The following GRIA4 variants were observed in gnomAD, a reference collection of about 807,000 sequenced individuals.
The protein encoded by GRIA4 is glutamate receptor 4.
In GRIA4, 34 loss-of-function variants were observed where a neutral mutation model predicts 104.0. The observed-to-expected ratio is 0.33, with a 90% CI of 0.25 to 0.44. The LOEUF (loss-of-function observed/expected upper bound fraction) is 0.44. GRIA4 is among the 20% of genes least tolerant of loss of function. The pLI is 1.00. For synonymous variants in GRIA4, 386 were observed against 381.9 expected (o/e 1.01, Z -0.13); for missense variants, 750 against 1,096.5 (o/e 0.68, Z 4.46).
chr11:105,612,004 G>C (rs1374308794), intron 2 of GRIA4, among the ~76,000 whole-genome samples: 1 of 152,126 alleles, frequency 6.6e-6, no homozygotes, highest in Non-Finnish European at 1.5e-5. Context: ...CTGGGAATCA[G>C]GGGGAGGGCA....
chr11:105,822,551 T>C (rs556914619), intron 4 of GRIA4, among the ~76,000 whole-genome samples: 1 of 152,240 alleles, frequency 6.6e-6, no homozygotes, highest in Admixed American at 6.5e-5. Context: ...GGGAATGCAA[T>C]GATTTTTCAA....
chr11:105,644,810 A>G (rs1951479093), intron 3 of GRIA4, among the ~76,000 whole-genome samples: 2 of 152,186 alleles, frequency 1.3e-5, no homozygotes, highest in Non-Finnish European at 2.9e-5. Context: ...GTAATTTTAA[A>G]TAATAGGTAT....
At chr11:105,884,181 A>T (rs865999030) in intron 5 of GRIA4, among the ~76,000 whole-genome samples, 1 of 152,256 alleles carries the variant, frequency 6.6e-6, no homozygotes, top group Admixed American at 6.5e-5. Flanking sequence ...TTGTTTTCCC[A>T]TGACAACTAA....
intron 3 of GRIA4, among the ~76,000 whole-genome samples, chr11:105,688,436 C>T (rs978309032): frequency 6.6e-6 from 1 of 152,078 alleles, no homozygotes; most frequent in Non-Finnish European, 1.5e-5. Flanking sequence ...TGGCGTGCGC[C>T]TGTAGTCCCA....
chr11:105,791,388 G>A (rs569842528), intron 4 of GRIA4, among the ~76,000 whole-genome samples: 1 of 152,240 alleles, frequency 6.6e-6, no homozygotes, highest in East Asian at 1.9e-4. Context: ...CAATGATTGT[G>A]CATTTAATGC....
At chr11:105,828,409 C>T (rs1943853687) in intron 4 of GRIA4, among the ~76,000 whole-genome samples, 1 of 151,976 alleles carries the variant, frequency 6.6e-6, no homozygotes, top group African/African-American at 2.4e-5. Context: ...TTAACCATCA[C>T]TACCCCTGTA....
At chr11:105,741,447 A>G (rs1323452879) in intron 3 of GRIA4, among the ~76,000 whole-genome samples, 1 of 152,218 alleles carries the variant, frequency 6.6e-6, no homozygotes, top group Non-Finnish European at 1.5e-5. Context: ...TAGATGATCT[A>G]AAGAAACATT....
At chr11:105,635,087 C>T (rs367643923) in intron 3 of GRIA4, among the ~76,000 whole-genome samples, 4 of 152,218 alleles carry the variant, frequency 2.6e-5, no homozygotes, top group East Asian at 1.9e-4. Context: ...AGTGTATTGA[C>T]AGTTAAAACT....
intron 3 of GRIA4, among the ~76,000 whole-genome samples, chr11:105,725,153 T>C (rs1938115627): frequency 6.6e-6 from 1 of 152,178 alleles, no homozygotes; most frequent in Non-Finnish European, 1.5e-5. Context: ...ATTAAATATA[T>C]AGAATAATTC....
intron 14 of GRIA4, among the ~76,000 whole-genome samples, chr11:105,963,550 T>C (rs1948792202): frequency 1.3e-5 from 2 of 152,134 alleles, no homozygotes; most frequent in African/African-American, 4.8e-5. Flanking sequence ...GTGGACTCTA[T>C]TGAGGGACCA....
intron 5 of GRIA4, among the ~76,000 whole-genome samples, chr11:105,886,473 A>C (rs1189342691): frequency 1.3e-5 from 2 of 151,580 alleles, no homozygotes; most frequent in East Asian, 3.9e-4. Context: ...CCCATTAACC[A>C]TTCCCACCTC....
At chr11:105,936,936 C>T (rs183601193) in intron 14 of GRIA4, among the ~76,000 whole-genome samples, 3 of 152,158 alleles carry the variant, frequency 2.0e-5, no homozygotes, top group Admixed American at 6.5e-5. Context: ...CTATCACTTA[C>T]TAATAACAAT....
chr11:105,762,590 C>G (rs1940715670), intron 4 of GRIA4, among the ~76,000 whole-genome samples: 1 of 152,132 alleles, frequency 6.6e-6, no homozygotes, highest in South Asian at 2.1e-4. Flanking sequence ...GTGTCCCCAC[C>G]CAATTCTCAC....
chr11:105,788,730 T>G (rs1942083856), intron 4 of GRIA4, among the ~76,000 whole-genome samples: 1 of 151,880 alleles, frequency 6.6e-6, no homozygotes, highest in South Asian at 2.1e-4. Flanking sequence ...CAACAGACAC[T>G]GGGGACTCCA....
intron 7 of GRIA4, among the ~76,000 whole-genome samples, chr11:105,900,937 T>C (rs1946831973): frequency 6.6e-6 from 1 of 150,798 alleles, no homozygotes; most frequent in Non-Finnish European, 1.5e-5. Flanking sequence ...TCACTGTACA[T>C]TTAAAAAGAA....
chr11:105,923,713 C>T (rs186297872), intron 11 of GRIA4, among the ~76,000 whole-genome samples: 10 of 152,106 alleles, frequency 6.6e-5, no homozygotes, highest in Non-Finnish European at 4.4e-5. Context: ...GATTATAATA[C>T]CTGAGAAATG....
At chr11:105,930,923 A>G (rs1947855376) in intron 13 of GRIA4, among the ~76,000 whole-genome samples, 1 of 152,194 alleles carries the variant, frequency 6.6e-6, no homozygotes, top group Non-Finnish European at 1.5e-5. Flanking sequence ...TCTCAAGTCA[A>G]GATTTAAATA....
chr11:105,800,731 A>T (rs181527442), intron 4 of GRIA4, among the ~76,000 whole-genome samples: 1 of 152,162 alleles, frequency 6.6e-6, no homozygotes. Context: ...TTAGTTTTGC[A>T]GCATGCAAGA....
intron 5 of GRIA4, among the ~76,000 whole-genome samples, chr11:105,884,972 A>G (rs971955058): frequency 2.7e-5 from 4 of 148,716 alleles, no homozygotes; most frequent in Non-Finnish European, 6.0e-5. Flanking sequence ...AATAAGAGGC[A>G]GGGTGCGGAC....
Sources: gnomAD v4.1 joint callset for allele counts (sites outside exome capture counted in the v4.1 genomes callset) on GRCh38, gnomAD v4.1.1 for gene constraint, MANE v1.5 for transcripts, NCBI Gene and HGNC (gene_info 2026-07-23, HGNC 2026-07-21) for gene names.